Variants in LGR4 observed in about 807,000 individuals in gnomAD.
LGR4 encodes leucine rich repeat containing G protein-coupled receptor 4.
Under a neutral mutation model 84.8 loss-of-function variants are expected in LGR4, and 44 were observed. The ratio of observed to expected loss-of-function variants is 0.52; its 90% CI spans 0.41 to 0.67. The LOEUF is 0.67. Ranked by LOEUF, LGR4 falls within the 30% of genes least tolerant of loss-of-function variation. The pLI, the probability that LGR4 is intolerant of heterozygous loss-of-function variation, is 0.00. For missense variants in LGR4, 1,032 were observed against 1,131.4 expected (o/e 0.91, Z 1.26); for synonymous variants, 429 against 434.3 (o/e 0.99, Z 0.15).
intron 1 of LGR4, among the ~76,000 whole-genome samples, chr11:27,428,112 G>A (rs138149329): frequency 7.5e-4 from 114 of 151,358 alleles, no homozygotes; most frequent in African/African-American, 1.3e-3. Context: ...TTTATCTTAC[G>A]CATTTTTTGG....
intron 1 of LGR4, among the ~76,000 whole-genome samples, chr11:27,425,234 G>A (rs1272858369): frequency 6.6e-6 from 1 of 151,646 alleles, no homozygotes; most frequent in Non-Finnish European, 1.5e-5. Context: ...TAAGATTGGA[G>A]GGTCAACTCA....
intron 2 of LGR4, among the ~76,000 whole-genome samples, chr11:27,398,669 A>G (rs1478566358): frequency 6.6e-6 from 1 of 152,124 alleles, no homozygotes; most frequent in African/African-American, 2.4e-5. Flanking sequence ...ACTAATGGCA[A>G]TTTCCCTTTC....
chr11:27,461,353 A>T (rs918018617), intron 1 of LGR4, among the ~76,000 whole-genome samples: 1 of 152,094 alleles, frequency 6.6e-6, no homozygotes, highest in African/African-American at 2.4e-5. Flanking sequence ...TTAAAAAAAA[A>T]AAAATAACAC....
At chr11:27,394,382 AT>A (rs1239098977) in intron 2 of LGR4, among the ~76,000 whole-genome samples, 1 of 151,916 alleles carries the variant, frequency 6.6e-6, no homozygotes, top group African/African-American at 2.4e-5. Context: ...TTATCACTAC[AT>A]TTTTTACTTA....
chr11:27,393,939 TGG>T (rs1336757147), intron 2 of LGR4, among the ~76,000 whole-genome samples: 615 of 10,216 alleles, frequency 0.06, 12 homozygotes, highest in African/African-American at 0.1. Context: ...CACTGAAGAT[TGG>T]GGGGGGGGGG....
At chr11:27,372,760 A>C in intron 15 of LGR4, among the ~76,000 whole-genome samples, 1 of 152,244 alleles carries the variant, frequency 6.6e-6, no homozygotes, top group Non-Finnish European at 1.5e-5. Flanking sequence ...TTCACTTAAA[A>C]TTAATGCCCC....
intron 10 of LGR4, 95 bp from the exon 11 acceptor site, chr11:27,378,863 A>T (rs1863037711): frequency 1.2e-6 from 1 of 811,500 alleles, no homozygotes; most frequent in Non-Finnish European, 2.1e-6. Context: ...ATATTTACAT[A>T]TGGACTAGAT....
intron 1 of LGR4, among the ~76,000 whole-genome samples, chr11:27,458,006 T>G (rs1864605983): frequency 6.6e-6 from 1 of 152,054 alleles, no homozygotes; most frequent in African/African-American, 2.4e-5. Flanking sequence ...GGCACATGCC[T>G]GTAGTCCCAT....
chr11:27,444,366 T>C (rs961838427), intron 1 of LGR4, among the ~76,000 whole-genome samples: 3 of 152,180 alleles, frequency 2.0e-5, no homozygotes, highest in African/African-American at 4.8e-5. Context: ...CAAGCAGCCA[T>C]AATTTAGAAA....
At chr11:27,420,942 A>G (rs1002795329) in intron 1 of LGR4, among the ~76,000 whole-genome samples, 10 of 152,216 alleles carry the variant, frequency 6.6e-5, no homozygotes, top group African/African-American at 2.4e-4. Context: ...TATAGGCAGT[A>G]TGTGTACAAG....
intron 2 of LGR4, among the ~76,000 whole-genome samples, chr11:27,404,236 C>T (rs74469822): frequency 0.028 from 4,283 of 152,260 alleles, 182 homozygotes; most frequent in African/African-American, 0.098. Flanking sequence ...ATGCCAAACA[C>T]TATAATACTG....
In LGR4 at chr11:27,385,429, G is replaced by A. The variant is rs1863169632; in HGVS notation, c.441C>T (p.Asp147=). 6.2e-7 allele frequency: 1 copy of A among 1,610,150 alleles called. No homozygotes were observed. The highest frequency in any genetic ancestry group is 1.1e-5 in the South Asian group (1 of 89,804). ...GTAACTGAACAAGTCCTTCAAAACT[G>A]TCCTCGGGGACTGAGGTAATATGGT... is the stretch of plus-strand genomic sequence containing the variant. ...DANHITSVPE[D]SFEGLVQLRH... The change falls in exon 5 of 18, where the codon GAC becomes GAT. Residue 147 remains aspartate, a synonymous_variant. Coordinates refer to ENST00000379214, the MANE Select transcript of LGR4 (RefSeq NM_018490.5).
intron 1 of LGR4, among the ~76,000 whole-genome samples, chr11:27,460,604 G>T (rs1864662930): frequency 1.3e-5 from 2 of 152,208 alleles, no homozygotes; most frequent in African/African-American, 4.8e-5. Context: ...TCTTTCTACA[G>T]AATGTAATGA....
chr11:27,438,741 T>G (rs1864252798), intron 1 of LGR4, among the ~76,000 whole-genome samples: 1 of 152,180 alleles, frequency 6.6e-6, no homozygotes, highest in African/African-American at 2.4e-5. Flanking sequence ...GTCTTTGAGC[T>G]GAGACTTTGG....
chr11:27,472,317 C>T lies in LGR4; in HGVS notation c.-15G>A, dbSNP rs1170167772. ...GGGCCCGGCATTGCTGCGGCCGCCT[C>T]CCGCGCCGGCCTCTCCCGCGGCGCT... On this transcript the variant is annotated 5_prime_UTR_variant, in exon 1 of 18. Transcript: ENST00000379214. The T allele has an allele frequency of 1.7e-6, 2 of 1,197,738 alleles. No homozygotes were observed. Among genetic ancestry groups the T allele is most frequent in the East Asian group, 3.5e-5 (1 of 28,346 alleles). 74.2% of individuals were successfully genotyped at this position (1,197,738 alleles called of 1,614,324 possible).
At position 27,368,520 on chromosome 11, in the gene LGR4, C is replaced by A; in HGVS notation, c.2203G>T (p.Glu735Ter). Residue 735 changes from glutamate (E) to a stop codon, truncating the protein, a stop_gained, in exon 18 of 18, where the codon GAG (glutamate) becomes TAG (stop). Transcript: ENST00000379214. LOFTEE classifies it high-confidence loss of function. ...YTKLYCNLEK[E>*]DLSENSQSSM... is the part of the protein sequence containing the mutation. ...GATTGTGAGTTTTCTGAGAGGTCCT[C>A]TTTTTCCAAGTTGCAGTATAGTTTA... The A allele has an allele frequency of 6.2e-7, 1 of 1,614,142 alleles. No individual in the cohort carries two copies. Among genetic ancestry groups the A allele is most frequent in the Non-Finnish European group, 8.5e-7 (1 of 1,179,984 alleles).
chr11:27,450,053 G>A lies in LGR4; in HGVS notation c.185+22065C>T, dbSNP rs556986823. On this transcript the variant is annotated intron_variant, in intron 1 of 17. Coordinates refer to ENST00000379214, the MANE Select transcript of LGR4 (RefSeq NM_018490.5). The stretch of plus-strand genomic sequence containing the variant: ...CGCTTTCGTTAAGTCTGATGAATGT[G>A]ATATTCTGCTTTCCAAAAGACTGGC... 7.2e-5 allele frequency among the ~76,000 whole-genome samples: 11 copies of A among 152,268 alleles called. No individual in the cohort carries two copies. In the South Asian group the frequency reaches 2.3e-3, roughly 32 times the overall value.
intron 1 of LGR4, among the ~76,000 whole-genome samples, chr11:27,455,249 G>T (rs1056946399): frequency 6.6e-6 from 1 of 151,974 alleles, no homozygotes; most frequent in African/African-American, 2.4e-5. Context: ...ACATACCCTG[G>T]AGCACTATAA....
chr11:27,373,433 A>G lies in LGR4; in HGVS notation c.1379+118T>C. Reference sequence around the variant, plus strand: ...AAATTTGCAAAGACTGACGTAGAAAACACCCTTAAATTATAGCCTATCAGA... The same window carrying G: ...AAATTTGCAAAGACTGACGTAGAAAGCACCCTTAAATTATAGCCTATCAGA... On this transcript the variant is annotated intron_variant, in intron 15 of 17. Coordinates refer to ENST00000379214, the MANE Select transcript of LGR4 (RefSeq NM_018490.5). 3.2e-6 allele frequency: 3 copies of G among 950,716 alleles called. 1 individual carries two copies. Among genetic ancestry groups the G allele is most frequent in the Non-Finnish European group, 4.5e-6 (3 of 662,370 alleles). 58.9% of individuals were successfully genotyped at this position (950,716 alleles called of 1,614,324 possible).
Sources: gnomAD v4.1 joint callset for allele counts (sites outside exome capture counted in the v4.1 genomes callset) on GRCh38, gnomAD v4.1.1 for gene constraint, MANE v1.5 for transcripts, NCBI Gene and HGNC (gene_info 2026-07-23, HGNC 2026-07-21) for gene names.